SOD2: variants seen among roughly 807,000 people sequenced by gnomAD.
The protein encoded by SOD2 is superoxide dismutase 2.
A neutral mutation model predicts 27.0 loss-of-function variants in SOD2; 11 were observed. The observed-to-expected ratio is 0.41, with a 90% CI of 0.26 to 0.67. The LOEUF (loss-of-function observed/expected upper bound fraction) is 0.67. SOD2 is among the 30% of genes least tolerant of loss of function. The probability of loss-of-function intolerance (pLI) is 0.34; values close to 1 mark genes in which losing one functional copy is unlikely to be tolerated. For missense variants in SOD2, 250 were observed against 274.5 expected (o/e 0.91, Z 0.63); for synonymous variants, 105 against 103.0 (o/e 1.02, Z -0.12).
In SOD2 at chr6:159,733,484, T is replaced by G. The variant is rs538090047; in HGVS notation, c.-116+11646A>C. ...AAAATTACAAAAAATTAACTGGGTG[T>G]GGTGGCACATGCCTGTAGTCCCAGG... On this transcript the variant is annotated intron_variant, in intron 1 of 3. Coordinates refer to the SOD2 transcript ENST00000537657. Among the ~76,000 whole-genome samples the G allele has an allele frequency of 5.9e-5, 9 of 152,080 alleles. No individual in the cohort carries two copies. The South Asian group carries it at 1.9e-3, about 32-fold the overall frequency.
At chr6:159,704,860 C>A (rs2114812018) in intron 1 of SOD2, among the ~76,000 whole-genome samples, 1 of 152,332 alleles carries the variant, frequency 6.6e-6, no homozygotes, top group African/African-American at 2.4e-5. Context: ...AGTAGCCTAA[C>A]TGGGAGGCAC....
intron 3 of SOD2, among the ~76,000 whole-genome samples, chr6:159,687,923 A>C (rs909563858): frequency 6.6e-5 from 10 of 152,140 alleles, no homozygotes; most frequent in African/African-American, 2.4e-4. Flanking sequence ...AGGCAGGAGA[A>C]TCACTTGAAC....
At chr6:159,748,066 A>G (rs951881786), upstream of SOD2, 5 of 1,208,814 alleles carry the variant, frequency 4.1e-6, no homozygotes, top group Non-Finnish European at 5.7e-6. This position sits in a 1 kb window ranked among gnomAD's most constrained non-coding sequence, Gnocchi z 5.6. Flanking sequence ...AGAGAATTTC[A>G]GGATCAAAGA....
chr6:159,696,919 C>T (rs762326596), upstream of SOD2, among the ~76,000 whole-genome samples: 66 of 152,084 alleles, frequency 4.3e-4, no homozygotes, highest in South Asian at 1.7e-3. Flanking sequence ...TGCCTGCAGT[C>T]CTAGCTACGC....
intron 1 of SOD2, among the ~76,000 whole-genome samples, chr6:159,738,181 A>G (rs1041386810): frequency 5.9e-5 from 9 of 152,328 alleles, no homozygotes; most frequent in East Asian, 1.9e-4. Context: ...ATCAAGATAC[A>G]TATCTGAACT....
chr6:159,716,698 T>G (rs546449717), intron 1 of SOD2, among the ~76,000 whole-genome samples: 2 of 152,284 alleles, frequency 1.3e-5, no homozygotes, highest in African/African-American at 4.8e-5. Flanking sequence ...CACTTTCAGC[T>G]GTCACATATA....
intron 1 of SOD2, among the ~76,000 whole-genome samples, chr6:159,723,308 C>T (rs1246173722): frequency 1.3e-5 from 2 of 152,224 alleles, no homozygotes; most frequent in Non-Finnish European, 2.9e-5. Context: ...AAAGTTCTCC[C>T]ATTTTCCTTT....
chr6:159,756,915 T>G (rs1780022443), intron 1 of SOD2, among the ~76,000 whole-genome samples: 1 of 152,150 alleles, frequency 6.6e-6, no homozygotes, highest in African/African-American at 2.4e-5. Flanking sequence ...TTTTTGAGTT[T>G]TAATTGAAAA....
At chr6:159,757,709 C>T (rs1202576962) in intron 1 of SOD2, among the ~76,000 whole-genome samples, 1 of 152,144 alleles carries the variant, frequency 6.6e-6, no homozygotes. Flanking sequence ...CCGCGCCCAA[C>T]CTTGATTAAC....
At chr6:159,753,296 A>G (rs1455451738) in intron 1 of SOD2, 7 of 1,027,550 alleles carry the variant, frequency 6.8e-6, no homozygotes, top group Non-Finnish European at 9.7e-6. Context: ...AAATACTGAA[A>G]TGCAGAAGAT....
intron 1 of SOD2, among the ~76,000 whole-genome samples, chr6:159,750,645 T>C (rs751509623): frequency 1.3e-5 from 2 of 152,198 alleles, no homozygotes; most frequent in African/African-American, 4.8e-5. Context: ...TTGGTCTCTT[T>C]GGCATTTTTC....
intron 1 of SOD2, among the ~76,000 whole-genome samples, chr6:159,717,541 A>G (rs945603929): frequency 1.1e-4 from 16 of 152,202 alleles, no homozygotes; most frequent in African/African-American, 3.9e-4. Context: ...ATCAATTCAA[A>G]TATCTATTAT....
At chr6:159,697,114 A>C (rs1243576236), upstream of SOD2, among the ~76,000 whole-genome samples, 2 of 151,740 alleles carry the variant, frequency 1.3e-5, no homozygotes, top group African/African-American at 4.8e-5. Context: ...GTCAGAAAAA[A>C]CTTGCAATTC....
chr6:159,733,384 A>G (rs2114882564), intron 1 of SOD2, among the ~76,000 whole-genome samples: 1 of 152,318 alleles, frequency 6.6e-6, no homozygotes, highest in South Asian at 2.1e-4. Context: ...TGGGAGGCCA[A>G]GGCAGTTGGA....
At chr6:159,727,143 T>G (rs1461797945) in exon 1 of SOD2, 1 of 1,193,296 alleles carries the variant, frequency 8.4e-7, no homozygotes, top group Non-Finnish European at 1.1e-6. Context: ...CTTGCTGAGC[T>G]CCGGGGCCCG....
intron 4 of SOD2, among the ~76,000 whole-genome samples, chr6:159,683,913 G>A (rs1344124435): frequency 1.3e-5 from 2 of 152,202 alleles, no homozygotes; most frequent in Non-Finnish European, 2.9e-5. Flanking sequence ...GGTAGAAGAA[G>A]GGGCAGAGAA....
chr6:159,729,412 T>C (rs776929497), upstream of SOD2, among the ~76,000 whole-genome samples: 10 of 152,352 alleles, frequency 6.6e-5, no homozygotes, highest in Middle Eastern at 6.8e-3. Context: ...TCCACAATAG[T>C]AAACTTCATT....
chr6:159,732,271 A>G (rs973044770), upstream of SOD2, among the ~76,000 whole-genome samples: 1 of 152,336 alleles, frequency 6.6e-6, no homozygotes, highest in African/African-American at 2.4e-5. Flanking sequence ...AACAGCATCC[A>G]TGATACTTTA....
intron 1 of SOD2, among the ~76,000 whole-genome samples, chr6:159,718,648 T>C (rs1382148144): frequency 6.6e-6 from 1 of 152,208 alleles, no homozygotes; most frequent in East Asian, 1.9e-4. Flanking sequence ...TAAAATCTTG[T>C]AAGTCAGTAT....
Sources: allele counts gnomAD v4.1 joint callset (sites outside exome capture counted in the v4.1 genomes callset), GRCh38; gene constraint gnomAD v4.1.1; non-coding constraint Gnocchi (gnomAD v3.1); transcripts MANE v1.5; gene names NCBI Gene and HGNC (gene_info 2026-07-23, HGNC 2026-07-21).